Variants in IGSF11 observed in about 807,000 individuals in gnomAD.
IGSF11 encodes the protein immunoglobulin superfamily member 11.
In IGSF11, 22 loss-of-function variants were observed where a neutral mutation model predicts 41.0. That is an observed-to-expected ratio of 0.54 (90% confidence interval 0.38 to 0.77). The LOEUF (loss-of-function observed/expected upper bound fraction) is 0.77. Among genes scored for constraint, IGSF11 ranks in the 30% least tolerant of loss-of-function variants. The pLI is 0.00. For synonymous variants in IGSF11, 219 were observed against 201.3 expected, an observed-to-expected ratio of 1.09 and a Z score of -0.74; for missense variants, 444 against 530.8, an observed-to-expected ratio of 0.84 and a Z score of 1.61.
chr3:119,040,706 T>G lies in IGSF11; in HGVS notation c.49+64438A>C, dbSNP rs148670764. ...ATTTTATTCATTGCTGAATTCTCAG[T>G]GTCTTTAACAGATCATGACACATGT... is the stretch of plus-strand genomic sequence containing the variant. On this transcript the variant is annotated intron_variant, in intron 1 of 6. Transcript: ENST00000354673. Among the ~76,000 whole-genome samples the G allele has an allele frequency of 7.0e-3, 1,073 of 152,356 alleles. 8 individuals are homozygous for G. The highest frequency in any genetic ancestry group is 0.02 in the Middle Eastern group (6 of 294).
At chr3:119,046,170 A>G (rs1290941095) in intron 1 of IGSF11, among the ~76,000 whole-genome samples, 1 of 150,850 alleles carries the variant, frequency 6.6e-6, no homozygotes, top group Admixed American at 6.6e-5. Flanking sequence ...CTGAGAGAAG[A>G]AGGCTTCAGA....
At chr3:118,929,647 A>C (rs1481067361) in intron 2 of IGSF11, among the ~76,000 whole-genome samples, 1 of 152,196 alleles carries the variant, frequency 6.6e-6, no homozygotes. Context: ...TTTCACGTAC[A>C]CATTCTATTA....
At chr3:119,056,570 T>G (rs985151763) in intron 1 of IGSF11, among the ~76,000 whole-genome samples, 1 of 152,200 alleles carries the variant, frequency 6.6e-6, no homozygotes, top group African/African-American at 2.4e-5. Context: ...CCATTCCTTC[T>G]GAAACTATTC....
chr3:118,930,224 G>A lies in IGSF11; in HGVS notation c.104C>T (p.Ala35Val). 6.2e-7 allele frequency: 1 copy of A among 1,613,904 alleles called. No homozygotes were observed. Among genetic ancestry groups the A allele is most frequent in the Non-Finnish European group, 8.5e-7 (1 of 1,179,884 alleles). ...VSESPGSIQV[A>V]RGQPAVLPCT... ...GGGCAGGACTGCTGGCTGACCCCGG[G>A]CCACCTGGATACTCCCAGGGCTCTC... The change falls in exon 2 of 7, where the codon GCC becomes GTC. Residue 35 changes from alanine (A) to valine (V), a missense_variant. By Grantham distance (64) the Ala-to-Val change is moderately conservative. Coordinates refer to ENST00000393775, the MANE Select transcript of IGSF11 (RefSeq NM_001015887.3).
At position 118,901,500 on chromosome 3, in the gene IGSF11, A is replaced by G. The variant is rs1398701505; in HGVS notation, c.*1020T>C. ...TTGTCAAATAAGGAGAAAGTTACAT[A>G]CCTCAGTACAAAAGGCATCAGGTGC... On this transcript the variant is annotated 3_prime_UTR_variant, in exon 7 of 7. Transcript: ENST00000393775. 1 of 152,192 alleles carries G rather than the reference A, an allele frequency of 6.6e-6. No homozygotes were observed. The highest frequency in any genetic ancestry group is 1.5e-5 in the Non-Finnish European group (1 of 68,032). 9.4% of individuals were successfully genotyped at this position (152,192 alleles called of 1,614,324 possible). A position where few individuals can be genotyped will look rare whatever the true frequency, so the allele number is the denominator to read the frequency against.
intron 1 of IGSF11, among the ~76,000 whole-genome samples, chr3:119,138,361 A>G (rs2077591603): frequency 6.6e-6 from 1 of 152,190 alleles, no homozygotes; most frequent in Non-Finnish European, 1.5e-5. Context: ...AATGTGGTAT[A>G]TATATACAAT....
chr3:119,017,847 A>T (rs1327346704), intron 1 of IGSF11, among the ~76,000 whole-genome samples: 1 of 126,380 alleles, frequency 7.9e-6, no homozygotes, highest in African/African-American at 3.1e-5. Flanking sequence ...CAATGGTGTG[A>T]TCTCGGCTCA....
chr3:118,971,074 C>T (rs767404269), intron 1 of IGSF11, among the ~76,000 whole-genome samples: 9 of 152,108 alleles, frequency 5.9e-5, no homozygotes, highest in Non-Finnish European at 1.2e-4. Flanking sequence ...CCTTATGCTC[C>T]CTCATGAACT....
chr3:119,049,712 C>T (rs957748510), intron 1 of IGSF11, among the ~76,000 whole-genome samples: 16 of 152,220 alleles, frequency 1.1e-4, no homozygotes, highest in South Asian at 2.1e-4. Flanking sequence ...GCCAAAAGAA[C>T]AAAGCTGGAG....
chr3:118,902,983 CGTT>C, intron 6 of IGSF11, 22 bp from the exon 7 acceptor site: 1 of 1,603,460 alleles, frequency 6.2e-7, no homozygotes, highest in East Asian at 2.2e-5. Context: ...AAAATAAAGT[CGTT>C]GTTAGGATTT....
chr3:119,088,244 A>T (rs2107490861), intron 1 of IGSF11, among the ~76,000 whole-genome samples: 1 of 152,306 alleles, frequency 6.6e-6, no homozygotes, highest in East Asian at 1.9e-4. Context: ...CGGTGAAAAA[A>T]AAAAACAGAA....
chr3:118,967,977 AAGAGAG>A (rs142007678), intron 1 of IGSF11, among the ~76,000 whole-genome samples: 1 of 150,748 alleles, frequency 6.6e-6, no homozygotes, highest in Non-Finnish European at 1.5e-5. Flanking sequence ...TCCAGTAGGA[AAGAGAG>A]AGAGAGAGAG....
chr3:118,948,648 C>T (rs187153302), intron 1 of IGSF11, among the ~76,000 whole-genome samples: 1 of 151,984 alleles, frequency 6.6e-6, no homozygotes, highest in Non-Finnish European at 1.5e-5. Flanking sequence ...TGGTTCCTCA[C>T]GAGAAAATTG....
intron 4 of IGSF11, among the ~76,000 whole-genome samples, chr3:118,924,624 A>G (rs1316369883): frequency 6.6e-6 from 1 of 152,124 alleles, no homozygotes; most frequent in Non-Finnish European, 1.5e-5. Flanking sequence ...TGAAAAAAGG[A>G]TATGATATCA....
At chr3:119,033,935 T>C (rs370049687) in intron 1 of IGSF11, among the ~76,000 whole-genome samples, 1 of 152,358 alleles carries the variant, frequency 6.6e-6, no homozygotes, top group African/African-American at 2.4e-5. Flanking sequence ...TTTGTTCTAA[T>C]ATTGTTATAT....
intron 4 of IGSF11, among the ~76,000 whole-genome samples, chr3:118,913,828 G>T (rs968245986): frequency 2.0e-5 from 3 of 152,066 alleles, no homozygotes; most frequent in African/African-American, 7.2e-5. Context: ...AAATAAGGTG[G>T]AACAAATATA....
intron 1 of IGSF11, among the ~76,000 whole-genome samples, chr3:118,990,072 A>G (rs758746110): frequency 2.6e-5 from 4 of 152,226 alleles, no homozygotes; most frequent in Non-Finnish European, 5.9e-5. Context: ...AAGTGCAGAA[A>G]GTTAGGTTAC....
At chr3:118,921,761 G>A (rs1012537982) in intron 4 of IGSF11, among the ~76,000 whole-genome samples, 5 of 152,020 alleles carry the variant, frequency 3.3e-5, no homozygotes, top group African/African-American at 9.7e-5. Flanking sequence ...TCTTGATGGT[G>A]ATATGTATAA....
At chr3:119,114,574 A>G (rs1357153850) in intron 1 of IGSF11, among the ~76,000 whole-genome samples, 1 of 152,178 alleles carries the variant, frequency 6.6e-6, no homozygotes, top group Middle Eastern at 3.2e-3. Flanking sequence ...TCCTTCTGAG[A>G]CCACCTCAGC....
Sources: allele counts gnomAD v4.1 joint callset (sites outside exome capture counted in the v4.1 genomes callset), GRCh38; gene constraint gnomAD v4.1.1; transcripts MANE v1.5; gene names NCBI Gene and HGNC (gene_info 2026-07-23, HGNC 2026-07-21).